The following ZSWIM7 variants were observed in gnomAD, a reference collection of about 807,000 sequenced individuals.
ZSWIM7 encodes the protein zinc finger SWIM-type containing 7.
ZSWIM7 carries 22 observed loss-of-function variants against 21.1 expected under a neutral mutation model. The ratio of observed to expected loss-of-function variants is 1.04; its 90% CI spans 0.74 to 1.49. ZSWIM7 has a LOEUF of 1.49. Ranked by LOEUF, ZSWIM7 falls within the 40% of genes most tolerant of loss-of-function variation. The probability of loss-of-function intolerance (pLI) is 0.00; values close to 1 mark genes in which losing one functional copy is unlikely to be tolerated. For missense variants in ZSWIM7, 193 were observed against 168.0 expected (o/e 1.15, Z -0.82); for synonymous variants, 67 against 66.5 (o/e 1.01, Z -0.04).
At chr17:15,994,293 G>A (rs1970522822) in intron 1 of ZSWIM7, among the ~76,000 whole-genome samples, 1 of 152,176 alleles carries the variant, frequency 6.6e-6, no homozygotes, top group African/African-American at 2.4e-5. Context: ...GGATGAGAAA[G>A]ACAGGGAGAA....
Position 15,987,264 on chromosome 17 carries a change from A to C in ZSWIM7, c.201+2T>G. The C allele has an allele frequency of 6.2e-7, 1 of 1,611,210 alleles. No individual in the cohort carries two copies. The highest frequency in any genetic ancestry group is 8.5e-7 in the Non-Finnish European group (1 of 1,178,734). On this transcript the variant is annotated splice_donor_variant, in intron 3 of 4. Transcript: ENST00000399277. LOFTEE classifies it high-confidence loss of function. ...GGATCACCCCCATCTCTAGACTTCT[A>C]CCTGGTAAACACGCCTTCCACTGGG...
chr17:15,977,970 C>G lies in ZSWIM7; in HGVS notation c.*77G>C, dbSNP rs1166249999. 5 of 1,184,410 alleles carry G rather than the reference C, an allele frequency of 4.2e-6. No individual in the cohort carries two copies. The Admixed American group carries it at 8.6e-5, about 20-fold the overall frequency. The allele number at this position is 1,184,410 out of a possible 1,614,324, so 73.4% of individuals were successfully genotyped here. On this transcript the variant is annotated 3_prime_UTR_variant, in exon 5 of 5. Transcript: ENST00000399277. Reference sequence around the variant, plus strand: ...TCTGAAGATCCATTTCACCTCTTTTCCATGTGAATCATGACGCTTTCAATG... The same window carrying G: ...TCTGAAGATCCATTTCACCTCTTTTGCATGTGAATCATGACGCTTTCAATG...
chr17:15,999,574 C>A lies in ZSWIM7; in HGVS notation c.21G>T (p.Ala7=). 2.5e-6 allele frequency: 4 copies of A among 1,591,654 alleles called. No homozygotes were observed. Among genetic ancestry groups the A allele is most frequent in the Non-Finnish European group, 3.4e-6 (4 of 1,170,276 alleles). Residue 7 remains alanine, a synonymous_variant, in exon 1 of 5, where the codon GCG becomes GCT. Transcript: ENST00000399277. MAVVLP[A]VVEELLSEMA... is the part of the protein sequence containing the mutation. ...TCTCGCTCAGGAGCTCCTCCACAAC[C>A]GCCGGCAACACTACGGCCATCGCGC... is the stretch of plus-strand genomic sequence containing the variant.
chr17:15,985,960 C>T (rs1257698285), intron 3 of ZSWIM7, among the ~76,000 whole-genome samples: 2 of 152,200 alleles, frequency 1.3e-5, no homozygotes, highest in African/African-American at 4.8e-5. Flanking sequence ...TTGATTATTC[C>T]TAAGTTCTCC....
intron 3 of ZSWIM7, among the ~76,000 whole-genome samples, chr17:15,986,291 G>A (rs1457229458): frequency 1.3e-5 from 2 of 152,138 alleles, no homozygotes; most frequent in East Asian, 3.9e-4. Context: ...TGATCCACCT[G>A]CCTCGGCCTC....
intron 1 of ZSWIM7, among the ~76,000 whole-genome samples, chr17:15,998,973 C>G (rs1212496229): frequency 9.9e-5 from 15 of 152,148 alleles, no homozygotes; most frequent in Admixed American, 9.8e-4. Context: ...CCAGGCTGGT[C>G]TCGAACTCCT....
chr17:15,998,142 A>AT (rs1485232953), intron 1 of ZSWIM7, among the ~76,000 whole-genome samples: 1 of 151,956 alleles, frequency 6.6e-6, no homozygotes, highest in Non-Finnish European at 1.5e-5. Context: ...CAGTGTATGG[A>AT]TTAACCTATT....
intron 1 of ZSWIM7, among the ~76,000 whole-genome samples, chr17:15,998,544 C>A (rs1234142446): frequency 6.6e-6 from 1 of 152,128 alleles, no homozygotes; most frequent in Admixed American, 6.5e-5. Flanking sequence ...AAGAGTAGTT[C>A]ATTAGTCAAT....
At chr17:15,979,928 C>T (rs1245257840) in intron 4 of ZSWIM7, among the ~76,000 whole-genome samples, 1 of 111,288 alleles carries the variant, frequency 9.0e-6, no homozygotes, top group Non-Finnish European at 1.9e-5. Context: ...CACCTCCCTC[C>T]CGGACGGGGC....
At chr17:15,982,987 G>A (rs189209094) in intron 3 of ZSWIM7, among the ~76,000 whole-genome samples, 9 of 152,150 alleles carry the variant, frequency 5.9e-5, no homozygotes, top group Middle Eastern at 3.4e-3. Context: ...AGAATTCCTC[G>A]GGAGATTTTA....
intron 2 of ZSWIM7, among the ~76,000 whole-genome samples, chr17:15,992,677 G>A (rs1348826147): frequency 6.6e-6 from 1 of 152,046 alleles, no homozygotes; most frequent in African/African-American, 2.4e-5. Context: ...GACCTCAGGT[G>A]ATTCGCCCGT....
At chr17:15,992,810 A>C (rs1970503018) in intron 2 of ZSWIM7, among the ~76,000 whole-genome samples, 1 of 151,978 alleles carries the variant, frequency 6.6e-6, no homozygotes, top group Admixed American at 6.5e-5. Flanking sequence ...GGTGTTGGCT[A>C]TTCAATTGAG....
chr17:15,983,496 T>C (rs139237773), intron 3 of ZSWIM7, among the ~76,000 whole-genome samples: 176 of 151,598 alleles, frequency 1.2e-3, no homozygotes, highest in African/African-American at 3.8e-3. Context: ...TTCCCCAGCA[T>C]GTGTGGAAGC....
At chr17:15,978,757 G>A (rs149019586) in intron 4 of ZSWIM7, among the ~76,000 whole-genome samples, 15 of 152,264 alleles carry the variant, frequency 9.9e-5, no homozygotes, top group African/African-American at 3.6e-4. Context: ...CAGACTACCT[G>A]CACTCCTCAC....
At position 15,981,058 on chromosome 17, in the gene ZSWIM7, C is replaced by G. The variant is rs373722122; in HGVS notation, c.288G>C (p.Arg96=). ...TCCTCACCAGGATGCTGTCACTCTT[C>G]CGTAGCACTGAGAATGCAAATGCAG... ...SCPAFAFSVL[R]KSDSILCKHL... The change falls in exon 4 of 5, where the codon CGG becomes CGC. Residue 96 remains arginine (R), a synonymous_variant. Transcript: ENST00000399277. 6.2e-7 allele frequency: 1 copy of G among 1,613,680 alleles called. No individual in the cohort carries two copies. Among genetic ancestry groups the G allele is most frequent in the Non-Finnish European group, 8.5e-7 (1 of 1,179,700 alleles).
At chr17:15,979,743 T>TGGCC (rs1183672342) in intron 4 of ZSWIM7, among the ~76,000 whole-genome samples, 1 of 90,266 alleles carries the variant, frequency 1.1e-5, no homozygotes, top group Admixed American at 1.1e-4. Flanking sequence ...TAGGGGCGGC[T>TGGCC]GGGCAGAGGC....
At chr17:15,987,901 C>T (rs1050893677) in intron 2 of ZSWIM7, among the ~76,000 whole-genome samples, 6 of 152,058 alleles carry the variant, frequency 3.9e-5, no homozygotes, top group African/African-American at 1.4e-4. Context: ...TGAGCCACTG[C>T]GCCTGGCCTG....
At chr17:15,989,720 C>T (rs562644266) in intron 2 of ZSWIM7, among the ~76,000 whole-genome samples, 106 of 152,024 alleles carry the variant, frequency 7.0e-4, no homozygotes, top group Non-Finnish European at 1.1e-3. Flanking sequence ...AGCCTGAACC[C>T]CCTGGGCTCA....
In ZSWIM7 at chr17:15,993,756, C is replaced by T. The variant is rs755707486; in HGVS notation, c.98+1G>A. On this transcript the variant is annotated splice_donor_variant, in intron 2 of 4. Coordinates refer to ENST00000399277, the MANE Select transcript of ZSWIM7 (RefSeq NM_001042697.2). LOFTEE classifies it high-confidence loss of function. Reference sequence around the variant, plus strand: ...TCAAATACAACAGTATATGTACTTACGATAACAGATATTCATCAGGAACTG... The same window carrying T: ...TCAAATACAACAGTATATGTACTTATGATAACAGATATTCATCAGGAACTG... The T allele has an allele frequency of 1.4e-5, 21 of 1,492,928 alleles. No homozygotes were observed. Among genetic ancestry groups the T allele is most frequent in the Middle Eastern group, 1.7e-4 (1 of 5,774 alleles). 92.5% of individuals were successfully genotyped at this position (1,492,928 alleles called of 1,614,324 possible). A position where few individuals can be genotyped will look rare whatever the true frequency, so the allele number is the denominator to read the frequency against.
Sources: gnomAD v4.1 joint callset for allele counts (sites outside exome capture counted in the v4.1 genomes callset) on GRCh38, gnomAD v4.1.1 for gene constraint, MANE v1.5 for transcripts, NCBI Gene and HGNC (gene_info 2026-07-23, HGNC 2026-07-21) for gene names.